MDGA2: variants seen among roughly 807,000 people sequenced by gnomAD.
MDGA2 encodes MAM domain containing glycosylphosphatidylinositol anchor 2, also known as MAM domain-containing glycosylphosphatidylinositol anchor protein 2.
In MDGA2, 40 loss-of-function variants were observed where a neutral mutation model predicts 117.8. The ratio of observed to expected loss-of-function variants is 0.34; its 90% CI spans 0.26 to 0.44. MDGA2 has a LOEUF of 0.44. MDGA2 is among the 20% of genes least tolerant of loss of function. The pLI, the probability that MDGA2 is intolerant of heterozygous loss-of-function variation, is 1.00. For missense variants in MDGA2, 1,123 were observed against 1,250.6 expected, an observed-to-expected ratio of 0.90 and a Z score of 1.54; for synonymous variants, 452 against 439.0, an observed-to-expected ratio of 1.03 and a Z score of -0.37.
chr14:47,171,554 T>C (rs932490808), intron 3 of MDGA2, among the ~76,000 whole-genome samples: 3 of 152,312 alleles, frequency 2.0e-5, no homozygotes, highest in Admixed American at 2.0e-4. Flanking sequence ...GATTTCTTAT[T>C]GTTCAAAGGG....
At chr14:47,549,343 A>C (rs922716973) in intron 1 of MDGA2, among the ~76,000 whole-genome samples, 36 of 140,222 alleles carry the variant, frequency 2.6e-4, no homozygotes, top group South Asian at 6.9e-4. Flanking sequence ...CACCAGTATT[A>C]TCTCTCTCTC....
intron 1 of MDGA2, among the ~76,000 whole-genome samples, chr14:47,450,466 A>G (rs553898311): frequency 1.2e-4 from 19 of 152,186 alleles, no homozygotes; most frequent in Admixed American, 1.0e-3. Context: ...GCAGTGCTAT[A>G]TTGACAATGA....
At chr14:47,505,752 A>G (rs1566489430) in intron 1 of MDGA2, among the ~76,000 whole-genome samples, 1 of 152,212 alleles carries the variant, frequency 6.6e-6, no homozygotes, top group Non-Finnish European at 1.5e-5. Context: ...ATTGAAATCC[A>G]GAGTTAATTT....
intron 2 of MDGA2, among the ~76,000 whole-genome samples, chr14:47,259,968 G>T (rs988675953): frequency 1.1e-4 from 16 of 152,200 alleles, no homozygotes; most frequent in African/African-American, 3.6e-4. Flanking sequence ...CAGATAAGCT[G>T]CTGCTGAGAA....
intron 3 of MDGA2, among the ~76,000 whole-genome samples, chr14:47,210,350 A>C (rs1389113381): frequency 6.6e-6 from 1 of 152,206 alleles, no homozygotes; most frequent in Non-Finnish European, 1.5e-5. Context: ...AAACTTATTA[A>C]GCTAATGCCT....
chr14:47,567,826 A>T (rs1377842424), intron 1 of MDGA2, among the ~76,000 whole-genome samples: 1 of 152,108 alleles, frequency 6.6e-6, no homozygotes, highest in East Asian at 1.9e-4. Flanking sequence ...AAAAGTACAA[A>T]ATTTTATTTG....
At chr14:47,283,686 C>T (rs72680283) in intron 2 of MDGA2, among the ~76,000 whole-genome samples, 1 of 152,100 alleles carries the variant, frequency 6.6e-6, no homozygotes, top group African/African-American at 2.4e-5. Context: ...TTTCAGGAGA[C>T]TATACTTTTG....
intron 1 of MDGA2, among the ~76,000 whole-genome samples, chr14:47,617,621 T>A (rs762272220): frequency 1.3e-4 from 20 of 152,202 alleles, no homozygotes; most frequent in African/African-American, 4.8e-4. Context: ...TTAGGTCTCA[T>A]ATAGTTTCTT....
At chr14:46,954,408 C>T (rs1885484587) in intron 9 of MDGA2, among the ~76,000 whole-genome samples, 1 of 151,972 alleles carries the variant, frequency 6.6e-6, no homozygotes, top group South Asian at 2.1e-4. Flanking sequence ...AACTGGGTGG[C>T]TTAAACAAAC....
rs182813685 is a variant in MDGA2, at chr14:47,408,414, A to G, written c.281-106864T>C. 8.7e-4 allele frequency among the ~76,000 whole-genome samples: 133 copies of G among 152,252 alleles called. 1 individual carries two copies. Among genetic ancestry groups the G allele is most frequent in the African/African-American group, 2.8e-3 (115 of 41,540 alleles). On this transcript the variant is annotated intron_variant, in intron 1 of 16. Transcript: ENST00000399232. ...ATCATATGATCTTTTAAAAGTAGAC[A>G]ACTGTCTCTCGCTGGAAGTGTAAAG... is the stretch of plus-strand genomic sequence containing the variant.
At chr14:47,172,645 C>G (rs1884211992) in intron 3 of MDGA2, among the ~76,000 whole-genome samples, 1 of 152,136 alleles carries the variant, frequency 6.6e-6, no homozygotes, top group South Asian at 2.1e-4. Flanking sequence ...AAAAACCCAT[C>G]TGTACATCAC....
At chr14:47,662,138 T>G (rs937960472) in intron 1 of MDGA2, among the ~76,000 whole-genome samples, 15 of 152,146 alleles carry the variant, frequency 9.9e-5, no homozygotes, top group African/African-American at 3.6e-4. Flanking sequence ...GGTGAGAGAC[T>G]GCATACTCTG....
intron 8 of MDGA2, chr14:46,997,309 T>C (rs1326333174): frequency 6.5e-6 from 1 of 152,834 alleles, no homozygotes; most frequent in African/African-American, 2.4e-5. Flanking sequence ...AAAGTTTCAG[T>C]TGGCATCCTT....
chr14:47,648,099 C>T (rs1897570760), intron 1 of MDGA2, among the ~76,000 whole-genome samples: 1 of 152,114 alleles, frequency 6.6e-6, no homozygotes, highest in Non-Finnish European at 1.5e-5. Context: ...CAACTTCAAA[C>T]TTTGTTTCCT....
intron 3 of MDGA2, among the ~76,000 whole-genome samples, chr14:47,178,898 A>G (rs1884587933): frequency 6.6e-6 from 1 of 152,162 alleles, no homozygotes; most frequent in Non-Finnish European, 1.5e-5. Flanking sequence ...TATACAGTAT[A>G]CAAGTACCTT....
chr14:47,370,753 A>G (rs911453800), intron 1 of MDGA2, among the ~76,000 whole-genome samples: 5 of 151,566 alleles, frequency 3.3e-5, no homozygotes, highest in African/African-American at 9.7e-5. Context: ...GTAAACAAAT[A>G]AATAATACAA....
chr14:46,881,578 G>GA (rs1180331380), intron 11 of MDGA2, among the ~76,000 whole-genome samples: 1 of 152,072 alleles, frequency 6.6e-6, no homozygotes, highest in East Asian at 1.9e-4. Flanking sequence ...TAATAATGGG[G>GA]ATACTGTGTC....
chr14:47,204,969 G>C (rs1885630355), intron 3 of MDGA2, among the ~76,000 whole-genome samples: 1 of 151,898 alleles, frequency 6.6e-6, no homozygotes, highest in Admixed American at 6.6e-5. Flanking sequence ...ATGTAGACAA[G>C]AGGGCTTCTA....
intron 2 of MDGA2, among the ~76,000 whole-genome samples, chr14:47,231,615 T>G (rs1886692987): frequency 6.6e-6 from 1 of 151,988 alleles, no homozygotes; most frequent in South Asian, 2.1e-4. Context: ...TCTACCAGAT[T>G]TTTTTTCCTA....
Sources: gnomAD v4.1 joint callset for allele counts (sites outside exome capture counted in the v4.1 genomes callset) on GRCh38, gnomAD v4.1.1 for gene constraint, MANE v1.5 for transcripts, NCBI Gene and HGNC (gene_info 2026-07-23, HGNC 2026-07-21) for gene names.